Variants in APOLD1 observed in about 807,000 individuals in gnomAD.
APOLD1 encodes apolipoprotein L domain-containing protein 1.
A neutral mutation model predicts 15.3 loss-of-function variants in APOLD1; 22 were observed. That is an observed-to-expected ratio of 1.44 (90% CI 1.03 to 2.05). APOLD1 has a LOEUF of 2.05. Ranked by LOEUF, APOLD1 falls within the 30% of genes most tolerant of loss-of-function variation. The probability of loss-of-function intolerance (pLI) is 0.00; values close to 1 mark genes in which losing one functional copy is unlikely to be tolerated. For missense variants in APOLD1, 394 were observed against 353.5 expected (o/e 1.11, Z -0.92); for synonymous variants, 190 against 167.4 (o/e 1.13, Z -1.04).
At chr12:12,782,242 G>A (rs972244292), upstream of APOLD1, among the ~76,000 whole-genome samples, 3 of 149,428 alleles carry the variant, frequency 2.0e-5, no homozygotes, top group African/African-American at 7.5e-5. Flanking sequence ...CTGGGCAACA[G>A]AGCAAGACTC....
rs539061647 is a variant in APOLD1, at chr12:12,773,840, C to T, written c.97-13069C>T. On this transcript the variant is annotated intron_variant, in intron 1 of 1. Coordinates refer to the APOLD1 transcript ENST00000326765. ...CAAAGGAGCAAAAGCAAGACAATGG[C>T]GCAAAGATAGTCTTTCAACAAATGG... Among the ~76,000 whole-genome samples, 5 of 152,190 alleles carry T rather than the reference C, an allele frequency of 3.3e-5. No homozygotes were observed. In the South Asian group the frequency reaches 6.2e-4, roughly 19 times the overall value.
intron 1 of APOLD1, among the ~76,000 whole-genome samples, chr12:12,727,578 TTTA>T (rs1383679893): frequency 1.5e-4 from 23 of 151,274 alleles, no homozygotes; most frequent in Non-Finnish European, 8.8e-5. Context: ...CTCTGAAAGC[TTTA>T]TTATTTATTT....
chr12:12,788,788 TTGA>T lies in APOLD1; in HGVS notation c.*1140_*1142del, dbSNP rs1422458285. Reference sequence around the variant, plus strand: ...CAACAAATGCTAACTTCTAATCCCCTTGATGAGCTTTCACGAAGTCTCACGGCT... The same window carrying T: ...CAACAAATGCTAACTTCTAATCCCCTTGAGCTTTCACGAAGTCTCACGGCT... On this transcript the variant is annotated 3_prime_UTR_variant, in exon 2 of 2. Coordinates refer to ENST00000356591, the MANE Select transcript of APOLD1 (RefSeq NM_030817.3). 1 of 152,206 alleles carries T rather than the reference TTGA, an allele frequency of 6.6e-6. No homozygotes were observed. The highest frequency in any genetic ancestry group is 1.5e-5 in the Non-Finnish European group (1 of 68,042). 9.4% of individuals were successfully genotyped at this position (152,206 alleles called of 1,614,324 possible).
rs558559141 is a variant in APOLD1 at position 12,734,031 on chromosome 12, T to C, written c.96+7935T>C. ...CACAAGGCATTTCTTTAATAATTTT[T>C]CCTCCATTTTTCTATCTAACTTCAG... On this transcript the variant is annotated intron_variant, in intron 1 of 1. Transcript: ENST00000326765. Among the ~76,000 whole-genome samples, 4 of 152,348 alleles carry C rather than the reference T, an allele frequency of 2.6e-5. No homozygotes were observed. The South Asian group carries it at 8.3e-4, about 32-fold the overall frequency.
intron 1 of APOLD1, among the ~76,000 whole-genome samples, chr12:12,742,401 G>A (rs1757984978): frequency 2.0e-5 from 3 of 152,196 alleles, no homozygotes; most frequent in Admixed American, 2.0e-4. Context: ...TTGCCTCTAA[G>A]CCTCCTTTGA....
chr12:12,787,732 A>C lies in APOLD1; in HGVS notation c.*80A>C. ...CCAGAATTTGTAGCTCCCTTAGGAAAACACCAAGCTGGGTTAGGAGCCGAA... is the reference window on the plus strand; with the variant it reads ...CCAGAATTTGTAGCTCCCTTAGGAACACACCAAGCTGGGTTAGGAGCCGAA... On this transcript the variant is annotated 3_prime_UTR_variant, in exon 2 of 2. Transcript: ENST00000356591. The surrounding 1 kb of genome is among the most constrained non-coding windows in gnomAD (Gnocchi z 4.9). 1 of 1,505,596 alleles carries C rather than the reference A, an allele frequency of 6.6e-7. No individual in the cohort carries two copies. The highest frequency in any genetic ancestry group is 8.8e-7 in the Non-Finnish European group (1 of 1,134,734). 93.3% of individuals were successfully genotyped at this position (1,505,596 alleles called of 1,614,324 possible).
chr12:12,742,256 C>T lies in APOLD1; in HGVS notation c.96+16160C>T, dbSNP rs529403975. Among the ~76,000 whole-genome samples the T allele has an allele frequency of 1.1e-4, 17 of 152,250 alleles. 1 individual carries two copies. The highest frequency in any genetic ancestry group is 4.1e-4 in the African/African-American group (17 of 41,538). On this transcript the variant is annotated intron_variant, in intron 1 of 1. Transcript: ENST00000326765. ...AACAATGGATATTACTTTATTAGGA[C>T]TAGGAGCCACTTTTTATGGCAGGTT... is the stretch of plus-strand genomic sequence containing the variant.
At chr12:12,728,168 T>C (rs1201166977) in intron 1 of APOLD1, among the ~76,000 whole-genome samples, 2 of 151,438 alleles carry the variant, frequency 1.3e-5, no homozygotes, top group Non-Finnish European at 2.9e-5. Context: ...GGTCTTGCTA[T>C]GTTGACCAGG....
chr12:12,750,135 G>C (rs1026933932), intron 1 of APOLD1, among the ~76,000 whole-genome samples: 5 of 152,136 alleles, frequency 3.3e-5, no homozygotes, highest in African/African-American at 1.2e-4. Context: ...CATTTTGCGA[G>C]GCCGAGGCGG....
chr12:12,758,978 G>A (rs983706427), intron 1 of APOLD1, among the ~76,000 whole-genome samples: 5 of 152,070 alleles, frequency 3.3e-5, no homozygotes, highest in East Asian at 1.9e-4. Flanking sequence ...CTGTGATATC[G>A]TCACAGCCAA....
intron 1 of APOLD1, among the ~76,000 whole-genome samples, chr12:12,764,362 A>G (rs941649580): frequency 6.6e-6 from 1 of 152,142 alleles, no homozygotes; most frequent in African/African-American, 2.4e-5. Flanking sequence ...TATCTCCCCA[A>G]TTCTCCCTGA....
In APOLD1 at chr12:12,787,005, C is replaced by T. The variant is rs1490719208; in HGVS notation, c.100C>T (p.Gln34Ter). The T allele has an allele frequency of 1.4e-6, 2 of 1,411,950 alleles. No homozygotes were observed. The highest frequency in any genetic ancestry group is 1.5e-5 in the African/African-American group (1 of 66,052). 87.5% of individuals were successfully genotyped at this position (1,411,950 alleles called of 1,614,324 possible). Residue 34 changes from glutamine to a stop codon, truncating the protein, a stop_gained, in exon 2 of 2, where the codon CAG (glutamine) becomes TAG (stop). Coordinates refer to ENST00000356591, the MANE Select transcript of APOLD1 (RefSeq NM_030817.3). LOFTEE classifies it high-confidence loss of function. This position sits in a 1 kb window ranked among gnomAD's most constrained non-coding sequence, Gnocchi z 4.9. ...LLDRRGRLHG[Q>*]VLRLREVARR... ...GGACCGCCGAGGCCGGCTGCACGGC[C>T]AGGTGCTGCGCCTGCGCGAGGTGGC...
Position 12,746,437 on chromosome 12 carries a change from A to G in APOLD1, c.96+20341A>G, listed in dbSNP as rs371815427. Among the ~76,000 whole-genome samples, 69 of 152,316 alleles carry G rather than the reference A, an allele frequency of 4.5e-4. No homozygotes were observed. The East Asian group carries it at 6.0e-3, about 13-fold the overall frequency. ...CTTGAACCTGGGAGACGGAGGTTGC[A>G]GTGAGCCGAGATCGCACCACTGCAC... On this transcript the variant is annotated intron_variant, in intron 1 of 1. Transcript: ENST00000326765.
At chr12:12,760,922 A>C (rs1946893839) in intron 1 of APOLD1, among the ~76,000 whole-genome samples, 1 of 152,230 alleles carries the variant, frequency 6.6e-6, no homozygotes, top group Non-Finnish European at 1.5e-5. Flanking sequence ...ACTGGTGGAA[A>C]GTTAGATCAT....
At chr12:12,726,217 A>G in intron 1 of APOLD1, 2 of 793,012 alleles carry the variant, frequency 2.5e-6, no homozygotes, top group African/African-American at 1.8e-5. Flanking sequence ...TTCAACCGCC[A>G]CTCAGAACCC....
rs546864026 is a variant in APOLD1, at chr12:12,768,885, A to G, written c.97-18024A>G. ...AAGTGCTACATTTTCAGGGAAAAAA[A>G]GTGGATTAGGAACATTAGTTTCCAT... On this transcript the variant is annotated intron_variant, in intron 1 of 1. Coordinates refer to the APOLD1 transcript ENST00000326765. Among the ~76,000 whole-genome samples, 13 of 151,996 alleles carry G rather than the reference A, an allele frequency of 8.6e-5. No individual in the cohort carries two copies. The South Asian group carries it at 2.1e-3, about 24-fold the overall frequency.
chr12:12,729,526 T>A (rs1300227620), intron 1 of APOLD1, among the ~76,000 whole-genome samples: 1 of 151,984 alleles, frequency 6.6e-6, no homozygotes, highest in Non-Finnish European at 1.5e-5. Context: ...TCCAAAAGTG[T>A]TGAGATTACA....
chr12:12,766,312 G>A (rs941316348), intron 1 of APOLD1, among the ~76,000 whole-genome samples: 4 of 146,162 alleles, frequency 2.7e-5, no homozygotes, highest in African/African-American at 1.1e-4. Flanking sequence ...TATAGTCAGT[G>A]GGCAGGATCA....
intron 1 of APOLD1, among the ~76,000 whole-genome samples, chr12:12,786,365 T>A (rs1267146908): frequency 6.6e-6 from 1 of 152,130 alleles, no homozygotes; most frequent in Non-Finnish European, 1.5e-5. Context: ...CAGGCAAGCA[T>A]CTAACTTAGA....
Sources: gnomAD v4.1 joint callset for allele counts (sites outside exome capture counted in the v4.1 genomes callset) on GRCh38, gnomAD v4.1.1 for gene constraint, Gnocchi (gnomAD v3.1) non-coding constraint, MANE v1.5 for transcripts, NCBI Gene and HGNC (gene_info 2026-07-23, HGNC 2026-07-21) for gene names.